Variants in AFAP1 observed in about 807,000 individuals in gnomAD.
AFAP1 encodes the protein actin filament associated protein 1, also known as actin filament-associated protein 1.
In AFAP1, 75 loss-of-function variants were observed where a neutral mutation model predicts 93.9. The ratio of observed to expected loss-of-function variants is 0.80; its 90% CI spans 0.66 to 0.97. AFAP1 has a LOEUF of 0.97. Among genes scored for constraint, AFAP1 ranks in the 50% least tolerant of loss-of-function variants. AFAP1 has a pLI of 0.00. For synonymous variants in AFAP1, 517 were observed against 430.7 expected (o/e 1.20, Z -2.48); for missense variants, 1,201 against 1,050.8 (o/e 1.14, Z -1.98).
intron 16 of AFAP1, among the ~76,000 whole-genome samples, chr4:7,769,904 C>T (rs925831541): frequency 1.3e-5 from 2 of 152,196 alleles, no homozygotes; most frequent in African/African-American, 4.8e-5. Flanking sequence ...CGGGAGGGAG[C>T]TTAGGGTAGT....
At chr4:7,896,135 G>A (rs943643124) in intron 1 of AFAP1, among the ~76,000 whole-genome samples, 9 of 152,054 alleles carry the variant, frequency 5.9e-5, no homozygotes, top group Non-Finnish European at 1.3e-4. Flanking sequence ...TGGGATTACA[G>A]CCACCATGCC....
chr4:7,924,414 G>C (rs569173046), intron 1 of AFAP1, among the ~76,000 whole-genome samples: 4 of 152,330 alleles, frequency 2.6e-5, no homozygotes, highest in South Asian at 4.1e-4. Context: ...TGGACGATGA[G>C]CCAGCGGTGG....
At chr4:7,772,752 C>T in intron 16 of AFAP1, 68 bp downstream of exon 16, 3 of 1,483,940 alleles carry the variant, frequency 2.0e-6, no homozygotes, top group African/African-American at 1.4e-5. Context: ...CACATTCTCT[C>T]TGGGTGCACT....
intron 6 of AFAP1, among the ~76,000 whole-genome samples, chr4:7,822,880 A>G (rs1224070554): frequency 2.0e-5 from 3 of 150,370 alleles, no homozygotes; most frequent in Admixed American, 2.0e-4. Flanking sequence ...GGCGTGAGCC[A>G]CTGCGCCCGG....
intron 1 of AFAP1, among the ~76,000 whole-genome samples, chr4:7,889,190 C>T (rs1242218743): frequency 6.6e-6 from 1 of 152,142 alleles, no homozygotes; most frequent in Non-Finnish European, 1.5e-5. Context: ...GTTGGTTTAA[C>T]ACTGGAAAAT....
intron 6 of AFAP1, among the ~76,000 whole-genome samples, chr4:7,831,852 C>T (rs542144623): frequency 7.9e-5 from 12 of 152,272 alleles, no homozygotes; most frequent in Non-Finnish European, 1.8e-4. Flanking sequence ...AAGCTTCACA[C>T]TGAATTCCAT....
At chr4:7,920,905 AG>A (rs1720405332) in intron 1 of AFAP1, among the ~76,000 whole-genome samples, 1 of 152,068 alleles carries the variant, frequency 6.6e-6, no homozygotes, top group South Asian at 2.1e-4. Context: ...AGGCTAGGAG[AG>A]GGACTAAATA....
intron 7 of AFAP1, among the ~76,000 whole-genome samples, chr4:7,816,353 C>T (rs1720482599): frequency 6.6e-6 from 1 of 152,166 alleles, no homozygotes; most frequent in South Asian, 2.1e-4. Flanking sequence ...TATATATATA[C>T]TGTCTCATGC....
intron 9 of AFAP1, among the ~76,000 whole-genome samples, chr4:7,808,343 C>T (rs1719711466): frequency 6.6e-6 from 1 of 152,184 alleles, no homozygotes; most frequent in African/African-American, 2.4e-5. Flanking sequence ...ACTGAGGTTC[C>T]TATGATCCTC....
At chr4:7,879,213 T>G (rs1262586742) in intron 1 of AFAP1, among the ~76,000 whole-genome samples, 1 of 152,068 alleles carries the variant, frequency 6.6e-6, no homozygotes, top group Non-Finnish European at 1.5e-5. Flanking sequence ...GGCCAGAGGG[T>G]TCTGCACACA....
intron 6 of AFAP1, among the ~76,000 whole-genome samples, chr4:7,833,501 GT>G (rs1300957640): frequency 6.6e-6 from 1 of 152,074 alleles, no homozygotes; most frequent in Admixed American, 6.5e-5. Context: ...GTAGATGTTG[GT>G]GTGGATGCGG....
chr4:7,889,253 G>C (rs966025676), intron 1 of AFAP1, among the ~76,000 whole-genome samples: 2 of 152,026 alleles, frequency 1.3e-5, no homozygotes, highest in African/African-American at 2.4e-5. Flanking sequence ...AATACAGGGG[G>C]GTTGTTTTCT....
At chr4:7,911,668 G>C (rs1013441170) in intron 1 of AFAP1, among the ~76,000 whole-genome samples, 1 of 152,140 alleles carries the variant, frequency 6.6e-6, no homozygotes, top group South Asian at 2.1e-4. Flanking sequence ...TATCCAGCTA[G>C]TATTAGAACC....
At chr4:7,771,695 C>A (rs916866245) in intron 16 of AFAP1, among the ~76,000 whole-genome samples, 6 of 152,140 alleles carry the variant, frequency 3.9e-5, no homozygotes, top group East Asian at 1.9e-4. Flanking sequence ...CCTGTGTGAC[C>A]CCAGAGCCAC....
intron 5 of AFAP1, among the ~76,000 whole-genome samples, chr4:7,840,164 C>G (rs1712814084): frequency 6.6e-6 from 1 of 152,048 alleles, no homozygotes; most frequent in African/African-American, 2.4e-5. Flanking sequence ...CGTGCAGAGC[C>G]TGCATCTTGA....
In AFAP1 at chr4:7,764,978, C is replaced by A. The variant is rs565683626; in HGVS notation, c.2419-1187G>T. Among the ~76,000 whole-genome samples the A allele has an allele frequency of 2.0e-5, 3 of 152,254 alleles. No homozygotes were observed. The East Asian group carries it at 5.8e-4, about 29-fold the overall frequency. ...AAAATTAGCTGGGTGTGGTGGCGCACACCCATAGTCCCAGCTACTCGGTAG... is the reference window on the plus strand; with the variant it reads ...AAAATTAGCTGGGTGTGGTGGCGCAAACCCATAGTCCCAGCTACTCGGTAG... On this transcript the variant is annotated intron_variant, in intron 17 of 17. Transcript: ENST00000420658.
At chr4:7,927,219 G>C (rs1577365838) in intron 1 of AFAP1, among the ~76,000 whole-genome samples, 1 of 152,208 alleles carries the variant, frequency 6.6e-6, no homozygotes, top group East Asian at 1.9e-4. Flanking sequence ...GCAGAGCTCA[G>C]GTGAGCCCAT....
Position 7,792,920 on chromosome 4 carries a change from G to A in AFAP1, c.1412+761C>T, listed in dbSNP as rs374768977. Among the ~76,000 whole-genome samples, 13 of 152,268 alleles carry A rather than the reference G, an allele frequency of 8.5e-5. No individual in the cohort carries two copies. The South Asian group carries it at 2.5e-3, about 29-fold the overall frequency. ...AATGATTATTCATACGGCGAAGGGC[G>A]ACTATTGGTGCGAAGCTGCCAGCCA... On this transcript the variant is annotated intron_variant, in intron 11 of 17. Coordinates refer to ENST00000420658, the MANE Select transcript of AFAP1 (RefSeq NM_001134647.2).
chr4:7,852,305 T>G (rs1018988091), intron 4 of AFAP1, among the ~76,000 whole-genome samples: 3 of 152,312 alleles, frequency 2.0e-5, no homozygotes, highest in Non-Finnish European at 4.4e-5. Flanking sequence ...AATGCTGGAC[T>G]GCACTGGTCT....
Sources: allele counts gnomAD v4.1 joint callset (sites outside exome capture counted in the v4.1 genomes callset), GRCh38; gene constraint gnomAD v4.1.1; transcripts MANE v1.5; gene names NCBI Gene and HGNC (gene_info 2026-07-23, HGNC 2026-07-21).